Variants in MBNL2 observed in about 807,000 individuals in gnomAD.
The protein encoded by MBNL2 is muscleblind-like protein 2.
MBNL2 carries 17 observed loss-of-function variants against 41.9 expected under a neutral mutation model. That is an observed-to-expected ratio of 0.41 (90% CI 0.28 to 0.61). The LOEUF is 0.61. Among genes scored for constraint, MBNL2 ranks in the 20% least tolerant of loss-of-function variants. The pLI is 0.35. For missense variants in MBNL2, 336 were observed against 505.6 expected, an observed-to-expected ratio of 0.66 and a Z score of 3.22; for synonymous variants, 195 against 182.9, an observed-to-expected ratio of 1.07 and a Z score of -0.53.
chr13:97,346,478 C>G lies in MBNL2; in HGVS notation c.541-326C>G, dbSNP rs1225396446. The stretch of plus-strand genomic sequence containing the variant: ...ATGGATGGATGGATAGACAGACAGA[C>G]AGATCGATAGACAGCTGCATAATAT... On this transcript the variant is annotated intron_variant, in intron 4 of 8. Coordinates refer to ENST00000679496, the MANE Select transcript of MBNL2 (RefSeq NM_001382683.1). The surrounding 1 kb of genome is among the most constrained non-coding windows in gnomAD (Gnocchi z 4.2). Among the ~76,000 whole-genome samples the G allele has an allele frequency of 6.6e-6, 1 of 151,856 alleles. No homozygotes were observed. Among genetic ancestry groups the G allele is most frequent in the Non-Finnish European group, 1.5e-5 (1 of 67,840 alleles).
chr13:97,196,092 A>G, the MBNL2 span, among the ~76,000 whole-genome samples: 20 of 152,196 alleles, frequency 1.3e-4, no homozygotes, highest in Non-Finnish European at 2.6e-4. Flanking sequence ...ATATAATCTA[A>G]TCTACCCTTT....
At chr13:97,277,961 A>T (rs990618614) in intron 2 of MBNL2, among the ~76,000 whole-genome samples, 3 of 152,320 alleles carry the variant, frequency 2.0e-5, no homozygotes, top group African/African-American at 7.2e-5. Flanking sequence ...ATTCACTATG[A>T]AAAAGCAGTG....
chr13:97,235,358 C>CAG (rs141996087), intron 1 of MBNL2, among the ~76,000 whole-genome samples: 5,158 of 152,228 alleles, frequency 0.034, 131 homozygotes, highest in South Asian at 0.11. Context: ...TTTCCCCACT[C>CAG]GGTGAAATTT....
the MBNL2 span, among the ~76,000 whole-genome samples, chr13:97,205,925 G>GT: frequency 5.1e-4 from 77 of 152,276 alleles, 2 homozygotes; most frequent in South Asian, 0.015. Context: ...ATTGGGAAAT[G>GT]TTTTACATGT....
At position 97,393,314 on chromosome 13, in the gene MBNL2, A is replaced by G. The variant is rs377042824; in HGVS notation, c.*1865A>G. On this transcript the variant is annotated 3_prime_UTR_variant, in exon 9 of 9. Coordinates refer to ENST00000679496, the MANE Select transcript of MBNL2 (RefSeq NM_001382683.1). ...TAATTCATTTAAACTCATTGAAAACATAGTATACATTACTAAAAGGTAAAT... is the reference window on the plus strand; with the variant it reads ...TAATTCATTTAAACTCATTGAAAACGTAGTATACATTACTAAAAGGTAAAT... 2.0e-5 allele frequency: 3 copies of G among 152,486 alleles called. No homozygotes were observed. The highest frequency in any genetic ancestry group is 2.1e-4 in the South Asian group (1 of 4,824). 9.4% of individuals were successfully genotyped at this position (152,486 alleles called of 1,614,324 possible). A position where few individuals can be genotyped will look rare whatever the true frequency, so the allele number is the denominator to read the frequency against.
chr13:97,147,861 A>G, the MBNL2 span, among the ~76,000 whole-genome samples: 1 of 152,174 alleles, frequency 6.6e-6, no homozygotes, highest in Non-Finnish European at 1.5e-5. Context: ...TTCCAGAGTT[A>G]GGGGGCAGTA....
the MBNL2 span, among the ~76,000 whole-genome samples, chr13:97,178,474 A>T: frequency 6.6e-6 from 1 of 152,240 alleles, no homozygotes; most frequent in African/African-American, 2.4e-5. Context: ...AAAAATTGTT[A>T]TACAACCATT....
At chr13:97,326,297 CT>C (rs1325612771) in intron 2 of MBNL2, among the ~76,000 whole-genome samples, 1 of 152,120 alleles carries the variant, frequency 6.6e-6, no homozygotes, top group African/African-American at 2.4e-5. Context: ...GTGTTTTTCC[CT>C]CATTTATCCA....
the MBNL2 span, among the ~76,000 whole-genome samples, chr13:97,213,804 C>G: frequency 6.6e-5 from 10 of 152,196 alleles, no homozygotes; most frequent in Non-Finnish European, 1.5e-4. Flanking sequence ...AATAGGAGCA[C>G]TGACAAGTCT....
At chr13:97,362,145 T>C (rs200268396) in intron 7 of MBNL2, among the ~76,000 whole-genome samples, 1 of 118,820 alleles carries the variant, frequency 8.4e-6, no homozygotes, top group South Asian at 2.7e-4. Flanking sequence ...AGATTTTGGA[T>C]TTTTTTTTCA....
At chr13:97,384,297 T>C (rs887210013) in intron 8 of MBNL2, among the ~76,000 whole-genome samples, 7 of 152,258 alleles carry the variant, frequency 4.6e-5, no homozygotes, top group Non-Finnish European at 1.0e-4. Context: ...TAATTACTTT[T>C]TTATCTGATA....
intron 8 of MBNL2, among the ~76,000 whole-genome samples, chr13:97,375,159 CA>C (rs1327624779): frequency 6.6e-6 from 1 of 152,192 alleles, no homozygotes; most frequent in Non-Finnish European, 1.5e-5. Flanking sequence ...TGCCACACGT[CA>C]AAGACACACT....
intron 8 of MBNL2, among the ~76,000 whole-genome samples, chr13:97,389,839 T>C (rs1291959512): frequency 6.6e-6 from 1 of 152,124 alleles, no homozygotes; most frequent in Non-Finnish European, 1.5e-5. Context: ...TGCGTTCTTA[T>C]TTGGAAAACT....
chr13:97,204,072 C>T, the MBNL2 span, among the ~76,000 whole-genome samples: 1 of 152,196 alleles, frequency 6.6e-6, no homozygotes. Context: ...GGCCAGTTCC[C>T]TCTCCTGATG....
At chr13:97,352,459 G>C (rs1475702899) in intron 5 of MBNL2, among the ~76,000 whole-genome samples, 2 of 152,204 alleles carry the variant, frequency 1.3e-5, no homozygotes, top group African/African-American at 4.8e-5. Flanking sequence ...GAAGGAGAGA[G>C]AGGGGTGATA....
At chr13:97,155,778 T>C in the MBNL2 span, among the ~76,000 whole-genome samples, 7 of 152,224 alleles carry the variant, frequency 4.6e-5, no homozygotes, top group East Asian at 1.9e-4. Flanking sequence ...CGCCACATTT[T>C]CTTAATCCAG....
chr13:97,233,935 C>T lies in MBNL2; in HGVS notation c.-605+11404C>T, dbSNP rs149140453. Among the ~76,000 whole-genome samples, 262 of 148,972 alleles carry T rather than the reference C, an allele frequency of 1.8e-3. 2 individuals carry two copies. Among genetic ancestry groups the T allele is most frequent in the African/African-American group, 6.3e-3 (254 of 40,170 alleles). On this transcript the variant is annotated intron_variant, in intron 1 of 8. Transcript: ENST00000679496. ...TCACATTACACAGGATTCTGACGGC[C>T]CCACCACACCACTCCTTGGAGATCT...
intron 5 of MBNL2, among the ~76,000 whole-genome samples, chr13:97,355,878 A>G (rs963945134): frequency 6.6e-6 from 1 of 152,260 alleles, no homozygotes; most frequent in Non-Finnish European, 1.5e-5. Context: ...CTAAAAGTAC[A>G]AATAGAATTA....
intron 1 of MBNL2, among the ~76,000 whole-genome samples, chr13:97,245,874 C>G (rs2045360777): frequency 6.6e-6 from 1 of 152,136 alleles, no homozygotes; most frequent in Admixed American, 6.5e-5. Context: ...GCACAATTTT[C>G]CATTATTTTG....
Sources: gnomAD v4.1 joint callset for allele counts (sites outside exome capture counted in the v4.1 genomes callset) on GRCh38, gnomAD v4.1.1 for gene constraint, Gnocchi (gnomAD v3.1) non-coding constraint, MANE v1.5 for transcripts, NCBI Gene and HGNC (gene_info 2026-07-23, HGNC 2026-07-21) for gene names.